TXNDC11: variants seen among roughly 807,000 people sequenced by gnomAD.
The protein encoded by TXNDC11 is thioredoxin domain-containing protein 11.
Under a neutral mutation model 78.0 loss-of-function variants are expected in TXNDC11, and 68 were observed. That is an observed-to-expected ratio of 0.87 (90% CI 0.72 to 1.07). The LOEUF (loss-of-function observed/expected upper bound fraction) is 1.07. Among genes scored for constraint, TXNDC11 ranks in the 50% least tolerant of loss-of-function variants. TXNDC11 has a pLI of 0.00. For missense variants in TXNDC11, 1,389 were observed against 1,221.8 expected (o/e 1.14, Z -2.04); for synonymous variants, 571 against 495.2 (o/e 1.15, Z -2.03).
At chr16:11,709,469 C>G (rs980418600) in intron 5 of TXNDC11, among the ~76,000 whole-genome samples, 1 of 110,758 alleles carries the variant, frequency 9.0e-6, no homozygotes, top group East Asian at 3.0e-4. Flanking sequence ...GAGTCTCGCT[C>G]TGTTGCCCAG....
Position 11,688,342 on chromosome 16 carries a change from C to G in TXNDC11, c.2004G>C (p.Val668=). Residue 668 remains valine (V), a synonymous_variant, in exon 9 of 12, where the codon GTG becomes GTC. Transcript: ENST00000283033. ...QFPSQHLITE[V]TTDTFWEVVL... is the part of the protein sequence containing the mutation. The stretch of plus-strand genomic sequence containing the variant: ...CTACTTCCCAAAAGGTATCAGTTGT[C>G]ACTTCAGTGATTAAATGCTGAGACG... 2 of 1,614,148 alleles carry G rather than the reference C, an allele frequency of 1.2e-6. No homozygotes were observed. Among genetic ancestry groups the G allele is most frequent in the East Asian group, 4.5e-5 (2 of 44,890 alleles).
intron 11 of TXNDC11, among the ~76,000 whole-genome samples, chr16:11,680,838 T>C (rs1461644885): frequency 1.3e-5 from 2 of 152,154 alleles, no homozygotes; most frequent in African/African-American, 4.8e-5. Context: ...TTAGTTTTCT[T>C]AACATATAAG....
chr16:11,693,217 G>A (rs2050769777), intron 7 of TXNDC11, among the ~76,000 whole-genome samples: 2 of 152,104 alleles, frequency 1.3e-5, no homozygotes. Flanking sequence ...CCTCTGTCTT[G>A]GTGAGATTTG....
At chr16:11,697,543 C>T (rs1597429144) in intron 7 of TXNDC11, among the ~76,000 whole-genome samples, 1 of 152,178 alleles carries the variant, frequency 6.6e-6, no homozygotes, top group South Asian at 2.1e-4. Context: ...CCAGAGCAGG[C>T]GCACCAGATG....
Position 11,691,841 on chromosome 16 carries a change from G to C in TXNDC11, c.1349C>G (p.Ser450Cys), listed in dbSNP as rs753753198. ...GACCGAGCTCGGCTTCATGCCCCCG[G>C]AGGTCTGGTTGACACAGAGTTCACA... ...NVCELCVNQT[S>C]GGMKPSSVSV... Residue 450 changes from serine (S) to cysteine (C), a missense_variant, in exon 8 of 12, where the codon TCC becomes TGC. By Grantham distance (112) the Ser-to-Cys change is moderately radical (BLOSUM62 -1). Coordinates refer to ENST00000283033, the MANE Select transcript of TXNDC11 (RefSeq NM_015914.7). The C allele has an allele frequency of 6.2e-7, 1 of 1,614,244 alleles. No homozygotes were observed. Among genetic ancestry groups the C allele is most frequent in the South Asian group, 1.1e-5 (1 of 91,084 alleles).
chr16:11,710,963 C>T (rs2051333213), intron 5 of TXNDC11, among the ~76,000 whole-genome samples: 1 of 151,236 alleles, frequency 6.6e-6, no homozygotes, highest in Non-Finnish European at 1.5e-5. Context: ...GGCCTATTGT[C>T]TATTAGTGCA....
intron 6 of TXNDC11, among the ~76,000 whole-genome samples, chr16:11,699,321 C>G (rs925050793): frequency 1.3e-5 from 2 of 152,066 alleles, no homozygotes; most frequent in African/African-American, 2.4e-5. Flanking sequence ...TTCTCAGTAC[C>G]CTTTACTATA....
intron 1 of TXNDC11, among the ~76,000 whole-genome samples, chr16:11,740,811 C>A (rs553599153): frequency 6.6e-6 from 1 of 152,324 alleles, no homozygotes; most frequent in East Asian, 1.9e-4. Flanking sequence ...GGAAAGATAA[C>A]AGTATATTCA....
chr16:11,723,112 G>T (rs1370139094), intron 4 of TXNDC11, among the ~76,000 whole-genome samples: 6 of 151,778 alleles, frequency 4.0e-5, no homozygotes, highest in African/African-American at 1.5e-4. Context: ...ACAAAAATTA[G>T]CCAGGTGTGG....
intron 4 of TXNDC11, among the ~76,000 whole-genome samples, chr16:11,728,877 T>C (rs955277666): frequency 6.6e-6 from 1 of 152,112 alleles, no homozygotes; most frequent in Non-Finnish European, 1.5e-5. Flanking sequence ...GGTGCATGCC[T>C]GTAATCCCAG....
chr16:11,728,466 C>T (rs1200245125), intron 4 of TXNDC11, among the ~76,000 whole-genome samples: 1 of 152,194 alleles, frequency 6.6e-6, no homozygotes, highest in Non-Finnish European at 1.5e-5. Context: ...TCTAGGGACC[C>T]CATCTTGGTA....
At chr16:11,718,186 G>A (rs1379585877) in intron 5 of TXNDC11, among the ~76,000 whole-genome samples, 3 of 152,062 alleles carry the variant, frequency 2.0e-5, no homozygotes, top group Non-Finnish European at 4.4e-5. Context: ...TGGTACTCTC[G>A]CAAATTATTT....
At chr16:11,688,968 G>A (rs79416083) in intron 8 of TXNDC11, among the ~76,000 whole-genome samples, 34 of 151,916 alleles carry the variant, frequency 2.2e-4, no homozygotes, top group Non-Finnish European at 2.5e-4. Flanking sequence ...TATATGTAGT[G>A]GAAAAATACA....
At chr16:11,685,242 G>C (rs1275665557) in intron 10 of TXNDC11, among the ~76,000 whole-genome samples, 1 of 152,170 alleles carries the variant, frequency 6.6e-6, no homozygotes, top group Non-Finnish European at 1.5e-5. Context: ...TGTAGTCCCA[G>C]CTACTTGGGA....
At chr16:11,699,347 G>C (rs989422502) in intron 6 of TXNDC11, among the ~76,000 whole-genome samples, 1 of 152,042 alleles carries the variant, frequency 6.6e-6, no homozygotes, top group Non-Finnish European at 1.5e-5. Flanking sequence ...ATATATGTAG[G>C]CTGTGTAACA....
intron 1 of TXNDC11, among the ~76,000 whole-genome samples, chr16:11,737,164 A>G (rs1020423287): frequency 6.6e-6 from 1 of 152,176 alleles, no homozygotes; most frequent in Non-Finnish European, 1.5e-5. Context: ...AAAGTAAAGG[A>G]GACCAGGCGT....
At chr16:11,717,336 G>T (rs2051555683) in intron 5 of TXNDC11, among the ~76,000 whole-genome samples, 1 of 150,794 alleles carries the variant, frequency 6.6e-6, no homozygotes, top group Non-Finnish European at 1.5e-5. Flanking sequence ...TACTTAGGAG[G>T]CTGAGGCATG....
At chr16:11,714,402 A>G (rs1022226828) in intron 5 of TXNDC11, among the ~76,000 whole-genome samples, 3 of 152,172 alleles carry the variant, frequency 2.0e-5, no homozygotes, top group African/African-American at 7.2e-5. Flanking sequence ...GCACTTTGGG[A>G]GGCCGAGGTG....
At chr16:11,696,306 C>T (rs1439980047) in intron 7 of TXNDC11, among the ~76,000 whole-genome samples, 5 of 152,200 alleles carry the variant, frequency 3.3e-5, no homozygotes, top group Non-Finnish European at 7.3e-5. Flanking sequence ...TTCACCCATC[C>T]AAAGCCTCTG....
Sources: gnomAD v4.1 joint callset for allele counts (sites outside exome capture counted in the v4.1 genomes callset) on GRCh38, gnomAD v4.1.1 for gene constraint, MANE v1.5 for transcripts, NCBI Gene and HGNC (gene_info 2026-07-23, HGNC 2026-07-21) for gene names.